The following HS6ST2 variants were observed in gnomAD, a reference collection of about 807,000 sequenced individuals.
The protein encoded by HS6ST2 is heparan-sulfate 6-O-sulfotransferase 2.
Under a neutral mutation model 33.0 loss-of-function variants are expected in HS6ST2, and 17 were observed. The observed-to-expected ratio is 0.52, with a 90% CI of 0.35 to 0.77. The LOEUF is 0.77. Among genes scored for constraint, HS6ST2 ranks in the 30% least tolerant of loss-of-function variants. The pLI is 0.01. For missense variants in HS6ST2, 519 were observed against 551.7 expected (o/e 0.94, Z 0.59); for synonymous variants, 248 against 237.1 (o/e 1.05, Z -0.42).
intron 2 of HS6ST2, among the ~76,000 whole-genome samples, chrX:132,710,558 AAT>A (rs1404768405): frequency 4.1e-4 from 46 of 111,138 alleles, no homozygotes; most frequent in Non-Finnish European, 4.3e-4. Context: ...GTTCTACAGA[AAT>A]ATACTGTATA....
intron 2 of HS6ST2, among the ~76,000 whole-genome samples, chrX:132,789,725 T>C (rs2148341026): frequency 8.9e-6 from 1 of 112,194 alleles, no homozygotes; most frequent in South Asian, 3.7e-4. Context: ...AATTTCAACA[T>C]TAACGGGAGT....
chrX:132,743,667 G>A (rs939829687), intron 2 of HS6ST2, among the ~76,000 whole-genome samples: 7 of 111,728 alleles, frequency 6.3e-5, no homozygotes, highest in South Asian at 3.8e-4. Flanking sequence ...CTTGCCCTAG[G>A]CACCCAGCTA....
intron 2 of HS6ST2, among the ~76,000 whole-genome samples, chrX:132,836,055 CATT>C (rs2065640511): frequency 8.9e-6 from 1 of 112,071 alleles, no homozygotes; most frequent in Non-Finnish European, 1.9e-5. Context: ...AATCTCTACA[CATT>C]TTTTAGGCTC....
chrX:132,723,689 G>A (rs892710325), intron 2 of HS6ST2, among the ~76,000 whole-genome samples: 2 of 112,220 alleles, frequency 1.8e-5, no homozygotes, highest in Admixed American at 9.4e-5. Flanking sequence ...TAAAAGCTAT[G>A]TATGACAGAG....
At chrX:132,717,699 C>T (rs1269405324) in intron 2 of HS6ST2, among the ~76,000 whole-genome samples, 8 of 112,017 alleles carry the variant, frequency 7.1e-5, no homozygotes, top group Admixed American at 6.6e-4. Context: ...GCTTGAGACC[C>T]GTGGCTAAAG....
rs776183271 is a variant in HS6ST2 at position 132,935,877 on chromosome X, T to C, written c.947+20931A>G. ...TTGAAATATTTTCTTTTTGAAAATA[T>C]AGGCATTTACAACTATAATTTGAAA... On this transcript the variant is annotated intron_variant, in intron 2 of 4. Coordinates refer to ENST00000370833, the MANE Select transcript of HS6ST2 (RefSeq NM_001394073.1). Among the ~76,000 whole-genome samples the C allele has an allele frequency of 1.7e-4, 19 of 109,924 alleles. No homozygotes were observed. The South Asian group carries it at 6.6e-3, about 38-fold the overall frequency.
At chrX:132,672,917 G>C (rs982584772) in intron 3 of HS6ST2, among the ~76,000 whole-genome samples, 1 of 111,755 alleles carries the variant, frequency 8.9e-6, no homozygotes, top group Non-Finnish European at 1.9e-5. Flanking sequence ...CTAATTGTGG[G>C]AGAAGAACCC....
At chrX:132,896,299 T>C (rs942163591) in intron 2 of HS6ST2, among the ~76,000 whole-genome samples, 1 of 110,164 alleles carries the variant, frequency 9.1e-6, no homozygotes, top group Non-Finnish European at 1.9e-5. Flanking sequence ...TAAAACCTCG[T>C]CTCTACTAAA....
At chrX:132,669,242 C>A in intron 3 of HS6ST2, 43 bp from the exon 4 acceptor site, 1 of 1,105,368 alleles carries the variant, frequency 9.0e-7, no homozygotes, top group Non-Finnish European at 1.2e-6. Flanking sequence ...ACAACAAGGA[C>A]CACAGAGACA....
intron 2 of HS6ST2, among the ~76,000 whole-genome samples, chrX:132,786,597 C>T (rs1031231515): frequency 9.4e-6 from 1 of 105,927 alleles, no homozygotes; most frequent in African/African-American, 3.5e-5. Context: ...TCTTCTTTCT[C>T]TTTGCTTCCT....
At chrX:132,717,191 C>G (rs1021823707) in intron 2 of HS6ST2, among the ~76,000 whole-genome samples, 5 of 113,039 alleles carry the variant, frequency 4.4e-5, no homozygotes, top group African/African-American at 1.3e-4. Context: ...AGCAAAGGAG[C>G]TTAGGTCGCT....
At chrX:132,915,168 A>T (rs961719153) in intron 2 of HS6ST2, among the ~76,000 whole-genome samples, 1 of 112,054 alleles carries the variant, frequency 8.9e-6, no homozygotes, top group Non-Finnish European at 1.9e-5. Context: ...AAGCACTGCC[A>T]TCGGCCATTA....
intron 3 of HS6ST2, among the ~76,000 whole-genome samples, chrX:132,687,454 G>C (rs1441570365): frequency 9.0e-6 from 1 of 110,803 alleles, no homozygotes; most frequent in Admixed American, 9.7e-5. Context: ...ATCGTACCTA[G>C]GGGCAATATA....
At chrX:132,904,956 C>T (rs190282663) in intron 2 of HS6ST2, among the ~76,000 whole-genome samples, 11 of 111,064 alleles carry the variant, frequency 9.9e-5, no homozygotes, top group Middle Eastern at 4.7e-3. Flanking sequence ...ATAATGGTGC[C>T]GCATCGTGAT....
chrX:132,815,811 C>T (rs1430167949), intron 2 of HS6ST2, among the ~76,000 whole-genome samples: 4 of 110,898 alleles, frequency 3.6e-5, no homozygotes, highest in African/African-American at 1.3e-4. Flanking sequence ...AATTTGTATC[C>T]CCACAGTGGT....
At chrX:132,945,162 A>C (rs1005985276) in intron 2 of HS6ST2, among the ~76,000 whole-genome samples, 3 of 112,285 alleles carry the variant, frequency 2.7e-5, no homozygotes, top group Non-Finnish European at 5.6e-5. Flanking sequence ...TTACAAGAAA[A>C]AAACAAACAA....
intron 4 of HS6ST2, among the ~76,000 whole-genome samples, chrX:132,655,058 A>C (rs1653707746): frequency 1.8e-5 from 2 of 112,209 alleles, no homozygotes; most frequent in Non-Finnish European, 3.8e-5. Context: ...CTAGAAAATT[A>C]GGTGCTTAAG....
At chrX:132,784,755 CCATTGAAAGAAACTT>C (rs2065046378) in intron 2 of HS6ST2, among the ~76,000 whole-genome samples, 1 of 112,078 alleles carries the variant, frequency 8.9e-6, no homozygotes, top group Admixed American at 9.5e-5. Context: ...ACCAACCACA[CCATTGAAAGAAACTT>C]CATTTGGTCG....
intron 2 of HS6ST2, among the ~76,000 whole-genome samples, chrX:132,785,077 A>C (rs2065049679): frequency 8.9e-6 from 1 of 112,369 alleles, no homozygotes; most frequent in Non-Finnish European, 1.9e-5. Context: ...AATTTGTTGA[A>C]ACACATTGAC....
Sources: allele counts gnomAD v4.1 joint callset (sites outside exome capture counted in the v4.1 genomes callset), GRCh38; gene constraint gnomAD v4.1.1; transcripts MANE v1.5; gene names NCBI Gene and HGNC (gene_info 2026-07-23, HGNC 2026-07-21).